The following ALK variants were observed in gnomAD, a reference collection of about 807,000 sequenced individuals.
ALK encodes ALK tyrosine kinase receptor.
ALK carries 74 observed loss-of-function variants against 163.1 expected under a neutral mutation model. That is an observed-to-expected ratio of 0.45 (90% CI 0.38 to 0.55). The LOEUF is 0.55. Among genes scored for constraint, ALK ranks in the 20% least tolerant of loss-of-function variants. The pLI is 0.00. For synonymous variants in ALK, 960 were observed against 843.2 expected (o/e 1.14, Z -2.40); for missense variants, 2,063 against 2,105.3 (o/e 0.98, Z 0.39).
At chr2:29,876,671 T>C (rs1472465388) in intron 1 of ALK, among the ~76,000 whole-genome samples, 2 of 145,224 alleles carry the variant, frequency 1.4e-5, no homozygotes, top group East Asian at 4.3e-4. Context: ...GTGGTGATGA[T>C]GGTAACGATG....
Position 29,725,894 on chromosome 2 carries a change from C to A in ALK, c.668-8197G>T, listed in dbSNP as rs148600646. ...CTGTATCTCTCAGAATTTGATAGTT[C>A]CAGGTCACTCACTGCATTTTCACCT... On this transcript the variant is annotated intron_variant, in intron 1 of 28. Coordinates refer to ENST00000389048, the MANE Select transcript of ALK (RefSeq NM_004304.5). 5.7e-3 allele frequency among the ~76,000 whole-genome samples: 862 copies of A among 152,262 alleles called. 5 individuals are homozygous for A. The highest frequency in any genetic ancestry group is 0.034 in the Middle Eastern group (10 of 294).
intron 1 of ALK, among the ~76,000 whole-genome samples, chr2:29,763,262 A>C (rs906969125): frequency 6.6e-6 from 1 of 152,104 alleles, no homozygotes; most frequent in Non-Finnish European, 1.5e-5. Flanking sequence ...TGCTTTGAGG[A>C]GTACATGAAA....
intron 3 of ALK, among the ~76,000 whole-genome samples, chr2:29,548,334 G>A (rs1325948156): frequency 6.6e-6 from 1 of 152,070 alleles, no homozygotes; most frequent in Non-Finnish European, 1.5e-5. Context: ...TTAGCCGGGC[G>A]TGGTGGCGTG....
intron 3 of ALK, among the ~76,000 whole-genome samples, chr2:29,631,643 T>A (rs1440801136): frequency 6.6e-6 from 1 of 152,252 alleles, no homozygotes; most frequent in Non-Finnish European, 1.5e-5. Context: ...ACCTGCCCTG[T>A]GCAATTCAAA....
intron 1 of ALK, among the ~76,000 whole-genome samples, chr2:29,788,403 A>G (rs1664098485): frequency 6.6e-6 from 1 of 152,208 alleles, no homozygotes; most frequent in African/African-American, 2.4e-5. Context: ...AGATCCCAAC[A>G]GCCTGCTGTG....
At chr2:29,504,902 G>C (rs112564909) in intron 4 of ALK, among the ~76,000 whole-genome samples, 196 of 152,288 alleles carry the variant, frequency 1.3e-3, no homozygotes, top group African/African-American at 4.5e-3. Context: ...AGGCCACTTT[G>C]ACGGCTGGGT....
intron 3 of ALK, among the ~76,000 whole-genome samples, chr2:29,538,594 C>T (rs144611262): frequency 3.9e-5 from 6 of 152,284 alleles, no homozygotes; most frequent in African/African-American, 9.6e-5. Context: ...TACCCAGACT[C>T]AGGTGTTCCT....
At chr2:29,729,763 A>T (rs1191188558) in intron 1 of ALK, among the ~76,000 whole-genome samples, 1 of 152,208 alleles carries the variant, frequency 6.6e-6, no homozygotes, top group East Asian at 1.9e-4. Context: ...GCACATCTTG[A>T]GTGCATCTTT....
intron 8 of ALK, among the ~76,000 whole-genome samples, chr2:29,305,828 C>A (rs1442022688): frequency 2.0e-5 from 3 of 151,760 alleles, no homozygotes; most frequent in Non-Finnish European, 4.4e-5. Context: ...ATATATCGTG[C>A]ACTTTATTTC....
At chr2:29,570,885 A>G (rs759927025) in intron 3 of ALK, among the ~76,000 whole-genome samples, 3 of 152,204 alleles carry the variant, frequency 2.0e-5, no homozygotes, top group Non-Finnish European at 4.4e-5. Context: ...TTCTCTCAGC[A>G]GCCTTTTAAA....
At chr2:29,362,079 A>G (rs1668401444) in intron 5 of ALK, among the ~76,000 whole-genome samples, 2 of 152,122 alleles carry the variant, frequency 1.3e-5, no homozygotes, top group Non-Finnish European at 2.9e-5. Context: ...GGAGAAACAG[A>G]GAAAGGAAGA....
At chr2:29,394,192 A>G (rs184371696) in intron 4 of ALK, among the ~76,000 whole-genome samples, 23 of 152,292 alleles carry the variant, frequency 1.5e-4, no homozygotes, top group Non-Finnish European at 3.1e-4. Flanking sequence ...CCAAACAACA[A>G]TTGGTCCCAG....
intron 1 of ALK, among the ~76,000 whole-genome samples, chr2:29,877,142 T>C (rs993354713): frequency 6.6e-6 from 1 of 152,254 alleles, no homozygotes; most frequent in Non-Finnish European, 1.5e-5. Context: ...CACATTTGCA[T>C]ATCAAAAATA....
In ALK at chr2:29,275,443, G is replaced by A. The variant is rs906659904; in HGVS notation, c.1871C>T (p.Ala624Val). The A allele has an allele frequency of 1.2e-6, 2 of 1,614,130 alleles. No individual in the cohort carries two copies. The highest frequency in any genetic ancestry group is 1.7e-5 in the Admixed American group (1 of 60,018). Residue 624 changes from alanine to valine, a missense_variant, in exon 10 of 29, where the codon GCT (alanine) becomes GTT (valine). Physicochemically the swap from Ala to Val is moderately conservative, Grantham distance 64. Coordinates refer to ENST00000389048, the MANE Select transcript of ALK (RefSeq NM_004304.5). ...WWGQGSRAIV[A>V]FDNISISLDC... ...CAGGCTGATGGAGATATTGTCAAAA[G>A]CCACGATGGCTCTGGATCCTTGTCC...
At chr2:29,789,864 T>G (rs984265556) in intron 1 of ALK, among the ~76,000 whole-genome samples, 4 of 152,314 alleles carry the variant, frequency 2.6e-5, no homozygotes, top group Non-Finnish European at 4.4e-5. Context: ...GTGGAGAACC[T>G]TGGAGTTTAG....
At chr2:29,596,741 A>T (rs1011940701) in intron 3 of ALK, among the ~76,000 whole-genome samples, 8 of 152,274 alleles carry the variant, frequency 5.3e-5, no homozygotes, top group African/African-American at 1.9e-4. Flanking sequence ...GAGCGTTGGC[A>T]TGGTGGCAAG....
At chr2:29,469,856 A>G (rs916120624) in intron 4 of ALK, among the ~76,000 whole-genome samples, 1 of 152,230 alleles carries the variant, frequency 6.6e-6, no homozygotes, top group Non-Finnish European at 1.5e-5. Context: ...CTGGAATTCA[A>G]TAAAATATTA....
At chr2:29,266,512 T>G (rs1665226080) in intron 11 of ALK, among the ~76,000 whole-genome samples, 1 of 152,242 alleles carries the variant, frequency 6.6e-6, no homozygotes, top group Non-Finnish European at 1.5e-5. Flanking sequence ...AATTACAATG[T>G]CACAACAGCA....
intron 4 of ALK, among the ~76,000 whole-genome samples, chr2:29,397,027 T>C (rs1025280371): frequency 1.3e-5 from 2 of 152,028 alleles, no homozygotes; most frequent in Non-Finnish European, 2.9e-5. Flanking sequence ...TGTGCCACTA[T>C]TGGCTGGCTT....
Sources: gnomAD v4.1 joint callset for allele counts (sites outside exome capture counted in the v4.1 genomes callset) on GRCh38, gnomAD v4.1.1 for gene constraint, MANE v1.5 for transcripts, NCBI Gene and HGNC (gene_info 2026-07-23, HGNC 2026-07-21) for gene names.